The following ZBTB20 variants were observed in gnomAD, a reference collection of about 807,000 sequenced individuals.
The protein encoded by ZBTB20 is zinc finger and BTB domain containing 20, also known as zinc finger and BTB domain-containing protein 20.
In ZBTB20, 9 loss-of-function variants were observed where a neutral mutation model predicts 56.9. That is an observed-to-expected ratio of 0.16 (90% CI 0.10 to 0.28). ZBTB20 has a LOEUF of 0.28. Among genes scored for constraint, ZBTB20 ranks in the 10% least tolerant of loss-of-function variants. The pLI is 1.00. For missense variants in ZBTB20, 655 were observed against 1,003.0 expected, an observed-to-expected ratio of 0.65 and a Z score of 4.69; for synonymous variants, 417 against 420.7, an observed-to-expected ratio of 0.99 and a Z score of 0.11.
chr3:114,991,469 A>C (rs1357724270), intron 2 of ZBTB20, among the ~76,000 whole-genome samples: 1 of 151,912 alleles, frequency 6.6e-6, no homozygotes, highest in Non-Finnish European at 1.5e-5. Context: ...GTCTGAGAGA[A>C]AGTTTGTTAT....
chr3:115,064,900 A>G (rs2082151829), intron 2 of ZBTB20, among the ~76,000 whole-genome samples: 1 of 151,968 alleles, frequency 6.6e-6, no homozygotes. Flanking sequence ...GTTATTTTGA[A>G]ATTTTCCAAT....
At chr3:115,047,807 C>T (rs1324113064) in intron 2 of ZBTB20, among the ~76,000 whole-genome samples, 1 of 152,042 alleles carries the variant, frequency 6.6e-6, no homozygotes, top group Non-Finnish European at 1.5e-5. Context: ...TTATGTATAA[C>T]GAAATTGTTT....
chr3:114,731,382 A>G (rs1209236801), intron 5 of ZBTB20, among the ~76,000 whole-genome samples: 2 of 152,216 alleles, frequency 1.3e-5, no homozygotes, highest in Non-Finnish European at 2.9e-5. Flanking sequence ...TTATCCATTT[A>G]GAAAATTTCA....
At chr3:114,982,389 T>G (rs2078365356) in intron 2 of ZBTB20, among the ~76,000 whole-genome samples, 1 of 152,058 alleles carries the variant, frequency 6.6e-6, no homozygotes, top group Non-Finnish European at 1.5e-5. Context: ...AGTATGACTA[T>G]TTTCTTGAAA....
chr3:114,567,360 T>C (rs2052897091), intron 6 of ZBTB20, among the ~76,000 whole-genome samples: 1 of 152,192 alleles, frequency 6.6e-6, no homozygotes, highest in Non-Finnish European at 1.5e-5. Flanking sequence ...AATGACACCA[T>C]GCATAAATGC....
chr3:114,851,996 C>G (rs2075022718), intron 4 of ZBTB20, among the ~76,000 whole-genome samples: 1 of 152,168 alleles, frequency 6.6e-6, no homozygotes, highest in African/African-American at 2.4e-5. Flanking sequence ...AAAATGATCA[C>G]TTTTTCATAT....
chr3:114,602,554 AT>A (rs1401670780), intron 6 of ZBTB20, among the ~76,000 whole-genome samples: 1 of 151,750 alleles, frequency 6.6e-6, no homozygotes, highest in Non-Finnish European at 1.5e-5. Context: ...TTATGTATGT[AT>A]TTGTTTACTT....
At chr3:114,747,115 T>C (rs2067103181) in intron 5 of ZBTB20, among the ~76,000 whole-genome samples, 1 of 152,186 alleles carries the variant, frequency 6.6e-6, no homozygotes, top group Non-Finnish European at 1.5e-5. Context: ...AAAGTCAATT[T>C]TGAATAAACC....
In ZBTB20 at chr3:114,333,588, G is replaced by A. The variant is rs2079343697; in HGVS notation, c.*5417C>T. On this transcript the variant is annotated 3_prime_UTR_variant, in exon 12 of 12. Transcript: ENST00000675478. ...GCTTTGCTTTTTCTATGGAATTAGG[G>A]AGCCTATTGAAATTCTAGTGCACCC... is the stretch of plus-strand genomic sequence containing the variant. 1 of 152,194 alleles carries A rather than the reference G, an allele frequency of 6.6e-6. No homozygotes were observed. The highest frequency in any genetic ancestry group is 2.4e-5 in the African/African-American group (1 of 41,436). 9.4% of individuals were successfully genotyped at this position (152,194 alleles called of 1,614,324 possible). A position where few individuals can be genotyped will look rare whatever the true frequency, so the allele number is the denominator to read the frequency against.
chr3:114,901,720 T>G (rs1043579969), intron 3 of ZBTB20, among the ~76,000 whole-genome samples: 2 of 152,122 alleles, frequency 1.3e-5, no homozygotes, highest in Admixed American at 6.5e-5. Flanking sequence ...AAGAATATTT[T>G]AAATTTTACG....
chr3:114,954,760 A>T (rs2077191696), intron 3 of ZBTB20, among the ~76,000 whole-genome samples: 1 of 152,192 alleles, frequency 6.6e-6, no homozygotes, highest in South Asian at 2.1e-4. Context: ...AAGTGCACTC[A>T]ACTGCAAATA....
At chr3:115,061,157 A>T (rs1167120782) in intron 2 of ZBTB20, among the ~76,000 whole-genome samples, 1 of 152,122 alleles carries the variant, frequency 6.6e-6, no homozygotes, top group Non-Finnish European at 1.5e-5. Context: ...CTTTCAGTTA[A>T]CACATCTATA....
intron 3 of ZBTB20, among the ~76,000 whole-genome samples, chr3:114,950,100 G>A (rs990578363): frequency 2.0e-5 from 3 of 152,088 alleles, no homozygotes; most frequent in African/African-American, 7.2e-5. Context: ...AAGACCAAGT[G>A]TTTTCGACGA....
rs1338003025 is a variant in ZBTB20 at position 114,350,546 on chromosome 3, A to G, written c.1532T>C (p.Leu511Pro). 6.2e-7 allele frequency: 1 copy of G among 1,614,058 alleles called. No individual in the cohort carries two copies. The highest frequency in any genetic ancestry group is 8.5e-7 in the Non-Finnish European group (1 of 1,179,986). Residue 511 changes from leucine (L) to proline (P), a missense_variant, in exon 11 of 12, where the codon CTC becomes CCC. Around this residue, in one of 10 missense-constraint regions of ZBTB20, gnomAD observed 71 missense variants for 89.4 expected, o/e 0.79. Transcript: ENST00000675478. ...GTAGNTYLPA[L>P]FTTQPAGSGP... ...ACTGCCCGCGGGCTGGGTAGTGAAGAGGGCTGGCAGGTAGGTGTTGCCAGC... is the reference window on the plus strand; with the variant it reads ...ACTGCCCGCGGGCTGGGTAGTGAAGGGGGCTGGCAGGTAGGTGTTGCCAGC...
At chr3:115,114,033 A>G (rs2108632475) in intron 1 of ZBTB20, among the ~76,000 whole-genome samples, 1 of 152,342 alleles carries the variant, frequency 6.6e-6, no homozygotes, top group South Asian at 2.1e-4. Context: ...TACATACATT[A>G]CAGAACATGC....
chr3:114,493,717 C>G (rs1489799579), intron 7 of ZBTB20, among the ~76,000 whole-genome samples: 2 of 152,208 alleles, frequency 1.3e-5, no homozygotes, highest in African/African-American at 4.8e-5. Flanking sequence ...AATTTCCAGA[C>G]TCAGTTAAAT....
At chr3:115,011,981 A>G (rs2079736151) in intron 2 of ZBTB20, among the ~76,000 whole-genome samples, 2 of 151,854 alleles carry the variant, frequency 1.3e-5, no homozygotes, top group Admixed American at 6.6e-5. Flanking sequence ...AACAGTGTTA[A>G]GTTGTTGTCA....
rs115123433 is a variant in ZBTB20 at position 114,946,117 on chromosome 3, T to C, written c.-456+28249A>G. On this transcript the variant is annotated intron_variant, in intron 3 of 11. Transcript: ENST00000675478. ...GTAAATGATAGAACTTGGTAAAAAG[T>C]TGGTAGATAAATAAAAGTTTTGAAC... Among the ~76,000 whole-genome samples the C allele has an allele frequency of 5.5e-5, 8 of 145,388 alleles. 1 individual carries two copies. Among genetic ancestry groups the C allele is most frequent in the Admixed American group, 3.3e-4 (5 of 15,074 alleles).
At chr3:114,725,591 C>G (rs1225872156) in intron 5 of ZBTB20, among the ~76,000 whole-genome samples, 2 of 152,212 alleles carry the variant, frequency 1.3e-5, no homozygotes, top group African/African-American at 2.4e-5. Context: ...ATATACTCAA[C>G]TTACACATGG....
Sources: allele counts gnomAD v4.1 joint callset (sites outside exome capture counted in the v4.1 genomes callset), GRCh38; gene constraint gnomAD v4.1.1; regional missense constraint gnomAD v4.1.1; transcripts MANE v1.5; gene names NCBI Gene and HGNC (gene_info 2026-07-23, HGNC 2026-07-21).